MYO3B: variants seen among roughly 807,000 people sequenced by gnomAD.
The protein encoded by MYO3B is myosin IIIB.
A neutral mutation model predicts 174.6 loss-of-function variants in MYO3B; 156 were observed. That is an observed-to-expected ratio of 0.89 (90% CI 0.78 to 1.02). The LOEUF (loss-of-function observed/expected upper bound fraction) is 1.02. Among genes scored for constraint, MYO3B ranks in the 50% least tolerant of loss-of-function variants. The pLI, the probability that MYO3B is intolerant of heterozygous loss-of-function variation, is 0.00. For missense variants in MYO3B, 1,632 were observed against 1,639.4 expected, an observed-to-expected ratio of 1.00 and a Z score of 0.08; for synonymous variants, 563 against 569.1, an observed-to-expected ratio of 0.99 and a Z score of 0.15.
intron 22 of MYO3B, among the ~76,000 whole-genome samples, chr2:170,442,583 A>G (rs889122825): frequency 4.0e-5 from 6 of 148,642 alleles, no homozygotes; most frequent in Admixed American, 3.4e-4. Flanking sequence ...TACATGTGCT[A>G]TGTTGGTGTG....
At chr2:170,590,264 A>G (rs533288627) in intron 32 of MYO3B, among the ~76,000 whole-genome samples, 28 of 152,334 alleles carry the variant, frequency 1.8e-4, no homozygotes, top group African/African-American at 6.5e-4. Flanking sequence ...AATGTTTTCT[A>G]TGGGTAAAAG....
intron 32 of MYO3B, among the ~76,000 whole-genome samples, chr2:170,625,481 T>C (rs779895221): frequency 6.6e-6 from 1 of 152,224 alleles, no homozygotes; most frequent in African/African-American, 2.4e-5. Context: ...TCTATCAATT[T>C]TGTTGATCTT....
intron 1 of MYO3B, among the ~76,000 whole-genome samples, chr2:170,197,018 GTTT>G (rs35829763): frequency 6.9e-6 from 1 of 144,234 alleles, no homozygotes; most frequent in Non-Finnish European, 1.5e-5. Flanking sequence ...ATCTTTTCAG[GTTT>G]TTTTTTTTTT....
At chr2:170,463,677 T>C (rs1372676694) in intron 24 of MYO3B, among the ~76,000 whole-genome samples, 3 of 152,162 alleles carry the variant, frequency 2.0e-5, no homozygotes, top group Non-Finnish European at 4.4e-5. Flanking sequence ...TTAAAGCTAC[T>C]AGAGGCAGCC....
chr2:170,243,293 G>C (rs1417680429), intron 7 of MYO3B, among the ~76,000 whole-genome samples: 1 of 152,198 alleles, frequency 6.6e-6, no homozygotes, highest in Non-Finnish European at 1.5e-5. Flanking sequence ...GGTTGGTCTA[G>C]GATAGCCTTG....
chr2:170,410,039 A>G (rs55779302), intron 22 of MYO3B, among the ~76,000 whole-genome samples: 24,495 of 152,216 alleles, frequency 0.16, 2,221 homozygotes, highest in East Asian at 0.34. Flanking sequence ...GAAGGTGCCT[A>G]TACATCTTGA....
chr2:170,460,359 G>A (rs1684203732), intron 23 of MYO3B, among the ~76,000 whole-genome samples: 1 of 151,966 alleles, frequency 6.6e-6, no homozygotes, highest in South Asian at 2.1e-4. Flanking sequence ...GTGGTGGTGT[G>A]CAGCTGTAAT....
At chr2:170,236,184 G>A (rs765280938) in intron 7 of MYO3B, 48 bp downstream of exon 7, 10 of 1,603,744 alleles carry the variant, frequency 6.2e-6, no homozygotes, top group Non-Finnish European at 6.0e-6. Context: ...TTGTGAAAGC[G>A]TCTGGTTAGA....
intron 29 of MYO3B, among the ~76,000 whole-genome samples, chr2:170,519,231 G>A (rs1368680771): frequency 6.6e-6 from 1 of 152,114 alleles, no homozygotes; most frequent in Non-Finnish European, 1.5e-5. Flanking sequence ...CATGAAAACA[G>A]TTTGCTGACT....
rs146390856 is a variant in MYO3B, at chr2:170,363,478, T to C, written c.816-5744T>C. 1.5e-3 allele frequency among the ~76,000 whole-genome samples: 236 copies of C among 152,290 alleles called. 1 individual carries two copies. The highest frequency in any genetic ancestry group is 4.5e-3 in the Admixed American group (69 of 15,284). On this transcript the variant is annotated intron_variant, in intron 8 of 34. Coordinates refer to ENST00000408978, the MANE Select transcript of MYO3B (RefSeq NM_138995.5). ...GAGTAGCTGTGTCACGACAGCATTA[T>C]TGTCTTGGAGCAGAGAGTGCACAGA...
chr2:170,619,737 CTTTTTTTTTTTTT>C (rs71412032), intron 32 of MYO3B, among the ~76,000 whole-genome samples: 17 of 50,778 alleles, frequency 3.3e-4, no homozygotes, highest in African/African-American at 4.1e-4. Context: ...CTGCCATATT[CTTTTTTTTTTTTT>C]TTTTTTTTTT....
Position 170,609,496 on chromosome 2 carries a change from T to C in MYO3B, c.3734-42132T>C, listed in dbSNP as rs911260763. ...CACTGTGTGCAGGTGTGGAGGGAAA[T>C]TGCTGATGATTAGCAGGAAGAGAGA... On this transcript the variant is annotated intron_variant, in intron 32 of 34. Transcript: ENST00000408978. Among the ~76,000 whole-genome samples the C allele has an allele frequency of 5.9e-5, 9 of 152,234 alleles. 1 individual carries two copies. Among genetic ancestry groups the C allele is most frequent in the African/African-American group, 1.7e-4 (7 of 41,542 alleles).
chr2:170,648,975 AAAAT>A (rs1698649495), intron 32 of MYO3B, among the ~76,000 whole-genome samples: 1 of 68,534 alleles, frequency 1.5e-5, no homozygotes, highest in Non-Finnish European at 2.5e-5. Flanking sequence ...TATAATATAT[AAAAT>A]AATATATAAT....
At chr2:170,447,957 G>A (rs187801938) in intron 23 of MYO3B, among the ~76,000 whole-genome samples, 1 of 152,302 alleles carries the variant, frequency 6.6e-6, no homozygotes, top group Non-Finnish European at 1.5e-5. Context: ...TCTGAGTGGT[G>A]CCAGCTGATC....
chr2:170,200,035 G>A (rs2092643575), intron 2 of MYO3B, 115 bp from the exon 3 acceptor site: 2 of 918,042 alleles, frequency 2.2e-6, no homozygotes, highest in Non-Finnish European at 3.2e-6. Flanking sequence ...GTATGGTAAT[G>A]AGATTGAAAA....
chr2:170,301,855 C>T (rs1231224260), intron 7 of MYO3B, among the ~76,000 whole-genome samples: 3 of 145,008 alleles, frequency 2.1e-5, no homozygotes, highest in Admixed American at 7.0e-5. Flanking sequence ...ATAGAGCGGC[C>T]ACATAGGCAA....
rs1006584105 is a variant in MYO3B at position 170,469,067 on chromosome 2, C to T, written c.3014+2356C>T. ...AGGAGAATCGCTTGAACCCAGGAGG[C>T]GGAGGTTGCAGTGAGCCAAGATCGT... On this transcript the variant is annotated intron_variant, in intron 25 of 34. Transcript: ENST00000408978. 4.6e-5 allele frequency among the ~76,000 whole-genome samples: 7 copies of T among 152,180 alleles called. No homozygotes were observed. The South Asian group carries it at 8.3e-4, about 18-fold the overall frequency.
chr2:170,286,986 T>C (rs531695403), intron 7 of MYO3B, among the ~76,000 whole-genome samples: 4 of 152,174 alleles, frequency 2.6e-5, no homozygotes, highest in Non-Finnish European at 5.9e-5. Flanking sequence ...GGTATTTGTC[T>C]TTCTGTGCAT....
chr2:170,274,696 T>G (rs1458644999), intron 7 of MYO3B, among the ~76,000 whole-genome samples: 1 of 152,164 alleles, frequency 6.6e-6, no homozygotes, highest in Non-Finnish European at 1.5e-5. Flanking sequence ...ATTCCATGAC[T>G]CTATGTGCTT....
Sources: gnomAD v4.1 joint callset for allele counts (sites outside exome capture counted in the v4.1 genomes callset) on GRCh38, gnomAD v4.1.1 for gene constraint, MANE v1.5 for transcripts, NCBI Gene and HGNC (gene_info 2026-07-23, HGNC 2026-07-21) for gene names.